LGI2: variants seen among roughly 807,000 people sequenced by gnomAD.
LGI2 encodes leucine-rich repeat LGI family member 2.
A neutral mutation model predicts 52.0 loss-of-function variants in LGI2; 30 were observed. The observed-to-expected ratio is 0.58, with a 90% CI of 0.43 to 0.78. LGI2 has a LOEUF of 0.78. Among genes scored for constraint, LGI2 ranks in the 30% least tolerant of loss-of-function variants. The pLI, the probability that LGI2 is intolerant of heterozygous loss-of-function variation, is 0.00. For synonymous variants in LGI2, 270 were observed against 271.8 expected, an observed-to-expected ratio of 0.99 and a Z score of 0.06; for missense variants, 573 against 692.5, an observed-to-expected ratio of 0.83 and a Z score of 1.94.
chr4:25,030,748 C>T lies in LGI2; in HGVS notation c.-55G>A. 9.7e-7 allele frequency: 1 copy of T among 1,027,442 alleles called. No individual in the cohort carries two copies. Among genetic ancestry groups the T allele is most frequent in the African/African-American group, 1.7e-5 (1 of 58,238 alleles). 63.6% of individuals were successfully genotyped at this position (1,027,442 alleles called of 1,614,324 possible). A position where few individuals can be genotyped will look rare whatever the true frequency, so the allele number is the denominator to read the frequency against. ...GACCCCCACCGCCGCGCCGCGCGCTCGGACCCGGCGCCGCTGCAGACGCGG... is the reference window on the plus strand; with the variant it reads ...GACCCCCACCGCCGCGCCGCGCGCTTGGACCCGGCGCCGCTGCAGACGCGG... On this transcript the variant is annotated 5_prime_UTR_variant, in exon 1 of 8. Transcript: ENST00000382114.
At chr4:25,019,094 C>T (rs564247217) in intron 5 of LGI2, 73 bp downstream of exon 5, 31 of 919,684 alleles carry the variant, frequency 3.4e-5, no homozygotes, top group Admixed American at 5.4e-5. Context: ...AAAAGAAAGG[C>T]GAGAGGGGAT....
intron 6 of LGI2, among the ~76,000 whole-genome samples, chr4:25,015,543 C>A (rs1725730806): frequency 6.6e-6 from 1 of 152,140 alleles, no homozygotes; most frequent in African/African-American, 2.4e-5. Flanking sequence ...AACAGTGAAA[C>A]AGGAGAAAAC....
downstream of LGI2, among the ~76,000 whole-genome samples, chr4:24,994,367 T>A (rs751878608): frequency 1.3e-5 from 2 of 152,168 alleles, no homozygotes; most frequent in Non-Finnish European, 2.9e-5. Context: ...GGTTGCCTTG[T>A]CCTGAATAGT....
chr4:25,007,133 C>G (rs10003820), intron 7 of LGI2, among the ~76,000 whole-genome samples: 14,141 of 152,198 alleles, frequency 0.093, 1,047 homozygotes, highest in African/African-American at 0.21. Flanking sequence ...TGACACTACA[C>G]AGTATCCCAT....
At chr4:25,028,643 T>A in intron 1 of LGI2, 65 bp from the exon 2 acceptor site, 1 of 1,369,952 alleles carries the variant, frequency 7.3e-7, no homozygotes, top group Non-Finnish European at 1.0e-6. Flanking sequence ...GCAGGGTGGG[T>A]AATCAAACTC....
In LGI2 at chr4:24,999,960, A is replaced by T. The variant is rs1014348953; in HGVS notation, c.*3491T>A. On this transcript the variant is annotated 3_prime_UTR_variant, in exon 8 of 8. Transcript: ENST00000382114. ...GTGTCTCAACCTCAACATCCTCCCC[A>T]TAGCTATGCAGGGGGAGAAACAACC... 7.1e-6 allele frequency: 3 copies of T among 422,072 alleles called. No individual in the cohort carries two copies. Among genetic ancestry groups the T allele is most frequent in the African/African-American group, 6.1e-5 (3 of 49,004 alleles). The allele number at this position is 422,072 out of a possible 1,614,324, so 26.1% of individuals were successfully genotyped here. A position where few individuals can be genotyped will look rare whatever the true frequency, so the allele number is the denominator to read the frequency against.
Position 25,003,375 on chromosome 4 carries a change from T to A in LGI2, c.*76A>T, listed in dbSNP as rs1725303289. The A allele has an allele frequency of 9.5e-7, 1 of 1,055,356 alleles. No individual in the cohort carries two copies. The highest frequency in any genetic ancestry group is 2.8e-5 in the Admixed American group (1 of 35,820). 65.4% of individuals were successfully genotyped at this position (1,055,356 alleles called of 1,614,324 possible). On this transcript the variant is annotated 3_prime_UTR_variant, in exon 8 of 8. Transcript: ENST00000382114. Reference sequence around the variant, plus strand: ...TTCAGAGCTCTGAGCCTGGCTTTGATTTGTTTGTTGATTTTTCTTGGTCCT... The same window carrying A: ...TTCAGAGCTCTGAGCCTGGCTTTGAATTGTTTGTTGATTTTTCTTGGTCCT...
At position 25,003,621 on chromosome 4, in the gene LGI2, A is replaced by G. The variant is rs1725311328; in HGVS notation, c.1468T>C (p.Tyr490His). 1.9e-6 allele frequency: 3 copies of G among 1,614,184 alleles called. No individual in the cohort carries two copies. Among genetic ancestry groups the G allele is most frequent in the Non-Finnish European group, 2.5e-6 (3 of 1,180,032 alleles). Residue 490 changes from tyrosine to histidine, a missense_variant, in exon 8 of 8, where the codon TAC becomes CAC. Tyr to His is a moderately conservative substitution (Grantham distance 83). Coordinates refer to ENST00000382114, the MANE Select transcript of LGI2 (RefSeq NM_018176.4). ...LGSDYTFSQI[Y>H]QWDKEKQLFK... Reference sequence around the variant, plus strand: ...AGCTGCTTCTCTTTATCCCACTGGTATATCTGAGAGAATGTATAGTCACTC... The same window carrying G: ...AGCTGCTTCTCTTTATCCCACTGGTGTATCTGAGAGAATGTATAGTCACTC...
At chr4:25,010,591 A>T (rs1046841347) in intron 7 of LGI2, among the ~76,000 whole-genome samples, 1 of 152,212 alleles carries the variant, frequency 6.6e-6, no homozygotes, top group African/African-American at 2.4e-5. Context: ...CAGAGTTGGG[A>T]GTATAATCCG....
chr4:25,003,744 T>C lies in LGI2; in HGVS notation c.1345A>G (p.Asn449Asp). The C allele has an allele frequency of 6.2e-7, 1 of 1,614,168 alleles. No individual in the cohort carries two copies. The highest frequency in any genetic ancestry group is 8.5e-7 in the Non-Finnish European group (1 of 1,180,036). Residue 449 changes from asparagine (N) to aspartate (D), a missense_variant, in exon 8 of 8, where the codon AAC (asparagine) becomes GAC (aspartate). Transcript: ENST00000382114. ...FIGDSRVMRW[N>D]SKQFVEIQAL... ...TGGATCTCCACAAACTGCTTACTGTTCCACCTCATGACCCGGGAGTCCCCG... is the reference window on the plus strand; with the variant it reads ...TGGATCTCCACAAACTGCTTACTGTCCCACCTCATGACCCGGGAGTCCCCG...
chr4:25,018,798 G>A (rs1393165856), intron 5 of LGI2, among the ~76,000 whole-genome samples: 1 of 152,002 alleles, frequency 6.6e-6, no homozygotes, highest in Non-Finnish European at 1.5e-5. Flanking sequence ...GGACGCAGAG[G>A]TTGTAATGAG....
At chr4:25,016,049 G>T (rs1725747642) in intron 6 of LGI2, among the ~76,000 whole-genome samples, 1 of 152,132 alleles carries the variant, frequency 6.6e-6, no homozygotes, top group Non-Finnish European at 1.5e-5. Context: ...AGACAGAGAA[G>T]GCTCTAAAAT....
intron 6 of LGI2, among the ~76,000 whole-genome samples, chr4:25,016,839 G>A (rs1480108353): frequency 6.6e-6 from 1 of 152,164 alleles, no homozygotes; most frequent in East Asian, 1.9e-4. Context: ...CTCCTGACAT[G>A]ACTTGAGGCT....
Position 25,002,822 on chromosome 4 carries a change from T to C in LGI2, c.*629A>G, listed in dbSNP as rs1223482541. The C allele has an allele frequency of 6.6e-6, 1 of 152,560 alleles. No individual in the cohort carries two copies. The highest frequency in any genetic ancestry group is 1.5e-5 in the Non-Finnish European group (1 of 68,228). 9.5% of individuals were successfully genotyped at this position (152,560 alleles called of 1,614,324 possible). ...GACATGTGTCACCAGAGTATTGTCTTTGTGGCAGAGGAAGCAATGTCAAAC... is the reference window on the plus strand; with the variant it reads ...GACATGTGTCACCAGAGTATTGTCTCTGTGGCAGAGGAAGCAATGTCAAAC... On this transcript the variant is annotated 3_prime_UTR_variant, in exon 8 of 8. Transcript: ENST00000382114.
rs1553869917 is a variant in LGI2, at chr4:25,002,245, C to CAG, written c.*1205_*1206insCT. 3 of 152,022 alleles carry CAG rather than the reference C, an allele frequency of 2.0e-5. No homozygotes were observed. The highest frequency in any genetic ancestry group is 7.3e-5 in the African/African-American group (3 of 41,294). The allele number at this position is 152,022 out of a possible 1,614,324, so 9.4% of individuals were successfully genotyped here. ...ACACGTGGCCCCATGTGGGTCCTGG[C>CAG]GGGGGTTCCTTTGGTAAAGTACTGG... On this transcript the variant is annotated 3_prime_UTR_variant, in exon 8 of 8. Coordinates refer to ENST00000382114, the MANE Select transcript of LGI2 (RefSeq NM_018176.4).
intron 6 of LGI2, among the ~76,000 whole-genome samples, chr4:25,016,595 TGAAAG>T (rs1725767735): frequency 6.6e-6 from 1 of 152,164 alleles, no homozygotes; most frequent in Non-Finnish European, 1.5e-5. Flanking sequence ...TATTTGATGA[TGAAAG>T]GAAAAGTCAT....
chr4:25,024,575 T>C (rs1726080399), intron 4 of LGI2, among the ~76,000 whole-genome samples: 1 of 152,234 alleles, frequency 6.6e-6, no homozygotes, highest in African/African-American at 2.4e-5. Context: ...CACCCCAGGA[T>C]GCTCCTTAAT....
At chr4:25,009,352 C>G (rs887342958) in intron 7 of LGI2, among the ~76,000 whole-genome samples, 2 of 152,266 alleles carry the variant, frequency 1.3e-5, no homozygotes, top group East Asian at 1.9e-4. Context: ...GCTCTTCCCC[C>G]CTCTCCATGC....
At chr4:25,025,548 T>G (rs1387397162) in intron 3 of LGI2, among the ~76,000 whole-genome samples, 2 of 152,218 alleles carry the variant, frequency 1.3e-5, no homozygotes, top group African/African-American at 4.8e-5. Flanking sequence ...GGTTGGCACA[T>G]GGGATCTTGC....
Sources: gnomAD v4.1 joint callset for allele counts (sites outside exome capture counted in the v4.1 genomes callset) on GRCh38, gnomAD v4.1.1 for gene constraint, MANE v1.5 for transcripts, NCBI Gene and HGNC (gene_info 2026-07-23, HGNC 2026-07-21) for gene names.